The following CLBA1 variants were observed in gnomAD, a reference collection of about 807,000 sequenced individuals.
The protein encoded by CLBA1 is uncharacterized protein CLBA1.
CLBA1 carries 30 observed loss-of-function variants against 28.8 expected under a neutral mutation model. The ratio of observed to expected loss-of-function variants is 1.04; its 90% CI spans 0.78 to 1.41. The LOEUF is 1.41. CLBA1 is among the 40% of genes most tolerant of loss of function. CLBA1 has a pLI of 0.00. For synonymous variants in CLBA1, 160 were observed against 152.8 expected (o/e 1.05, Z -0.35); for missense variants, 451 against 412.3 (o/e 1.09, Z -0.81).
In CLBA1 at chr14:104,985,991, T is replaced by G. The variant is rs1342624374; in HGVS notation, c.-441T>G. On this transcript the variant is annotated 5_prime_UTR_variant, in exon 1 of 5. Coordinates refer to ENST00000547315, the MANE Select transcript of CLBA1 (RefSeq NM_174891.4). ...TCTGCGGGCCGCGTGCGAGAGGGAC[T>G]CTCGGGAGGCCCCGGGGCGCCGCAC... 1 of 222,192 alleles carries G rather than the reference T, an allele frequency of 4.5e-6. No individual in the cohort carries two copies. Among genetic ancestry groups the G allele is most frequent in the Non-Finnish European group, 9.2e-6 (1 of 109,046 alleles). The allele number at this position is 222,192 out of a possible 1,614,324, so 13.8% of individuals were successfully genotyped here. A position where few individuals can be genotyped will look rare whatever the true frequency, so the allele number is the denominator to read the frequency against.
downstream of CLBA1, chr14:104,995,660 C>A: frequency 4.4e-6 from 1 of 225,032 alleles, no homozygotes; most frequent in Non-Finnish European, 7.4e-6. Context: ...CTCCATGTCA[C>A]TGTGGTATCA....
downstream of CLBA1, among the ~76,000 whole-genome samples, chr14:104,996,145 A>G (rs763134766): frequency 2.0e-5 from 3 of 152,220 alleles, no homozygotes; most frequent in Non-Finnish European, 4.4e-5. Context: ...CACAGACCTC[A>G]GAAGGCCAAG....
Position 104,993,683 on chromosome 14 carries a change from C to T in CLBA1, c.816+619C>T, listed in dbSNP as rs189115586. ...TTCTGGGCTGGAGTCTGGAGCCCAC[C>T]CTCAGACCAAGTATTGCAGGAGGGG... On this transcript the variant is annotated intron_variant, in intron 4 of 4. Transcript: ENST00000547315. 23 of 985,434 alleles carry T rather than the reference C, an allele frequency of 2.3e-5. No homozygotes were observed. In the East Asian group the frequency reaches 4.5e-4, roughly 19 times the overall value. 61.0% of individuals were successfully genotyped at this position (985,434 alleles called of 1,614,324 possible). A position where few individuals can be genotyped will look rare whatever the true frequency, so the allele number is the denominator to read the frequency against.
chr14:104,989,814 G>A, intron 2 of CLBA1: 1 of 417,712 alleles, frequency 2.4e-6, no homozygotes, highest in Non-Finnish European at 5.0e-6. Context: ...AGCAGCCAGG[G>A]GAGAGCCAGG....
Position 104,994,626 on chromosome 14 carries a change from G to A in CLBA1, c.845G>A (p.Gly282Glu), listed in dbSNP as rs1900123520. ...TCGGGGCCGCCTGGCAGCAAACAGG[G>A]GAGGCTGATGACATGCAGCCGCTTC... is the stretch of plus-strand genomic sequence containing the variant. ...KLSGPPGSKQGRLMTCSRFLK... is the reference protein window; with the variant it reads ...KLSGPPGSKQERLMTCSRFLK... The change falls in exon 5 of 5, where the codon GGG (glycine) becomes GAG (glutamate). Residue 282 changes from glycine (G) to glutamate (E), a missense_variant. Coordinates refer to ENST00000547315, the MANE Select transcript of CLBA1 (RefSeq NM_174891.4). The A allele has an allele frequency of 6.2e-7, 1 of 1,612,354 alleles. No individual in the cohort carries two copies. The highest frequency in any genetic ancestry group is 1.3e-5 in the African/African-American group (1 of 74,904).
downstream of CLBA1, chr14:104,999,275 A>G (rs548125965): frequency 1.0e-6 from 1 of 979,676 alleles, no homozygotes; most frequent in South Asian, 4.7e-5. Flanking sequence ...CAAAGCCCTC[A>G]TTCTTTCTAG....
rs1322448565 is a variant in CLBA1 at position 104,989,024 on chromosome 14, A to T, written c.505A>T (p.Ile169Leu). Residue 169 changes from isoleucine to leucine, a missense_variant, in exon 2 of 5, where the codon ATA becomes TTA. Coordinates refer to ENST00000547315, the MANE Select transcript of CLBA1 (RefSeq NM_174891.4). The stretch of plus-strand genomic sequence containing the variant: ...GCAGGCAGCTGAAGACGTTTCCACC[A>T]TAGACCATTTCCTAGAAATAAGCAG... ...VQQAAEDVST[I>L]DHFLEISSEE... 10 of 1,613,678 alleles carry T rather than the reference A, an allele frequency of 6.2e-6. No homozygotes were observed. Among genetic ancestry groups the T allele is most frequent in the African/African-American group, 2.7e-5 (2 of 74,932 alleles).
In CLBA1 at chr14:104,986,056, C is replaced by G. The variant is rs988570055; in HGVS notation, c.-376C>G. The G allele has an allele frequency of 3.8e-6, 1 of 264,538 alleles. No homozygotes were observed. Among genetic ancestry groups the G allele is most frequent in the Admixed American group, 5.0e-5 (1 of 20,192 alleles). 16.4% of individuals were successfully genotyped at this position (264,538 alleles called of 1,614,324 possible). A position where few individuals can be genotyped will look rare whatever the true frequency, so the allele number is the denominator to read the frequency against. On this transcript the variant is annotated 5_prime_UTR_variant, in exon 1 of 5. Transcript: ENST00000547315. ...TTGGGACTCCCGCGGGCGCCCGGCT[C>G]TCGCTCCTCTGGCCAGCGTGGGCCT...
chr14:104,994,763 C>T lies in CLBA1; in HGVS notation c.*4C>T. On this transcript the variant is annotated 3_prime_UTR_variant, in exon 5 of 5. Transcript: ENST00000547315. The stretch of plus-strand genomic sequence containing the variant: ...CTTTAATAGCGACGTTTGCTAAAAT[C>T]AGGAGGACTTTGTACCTTTATGAGG... 6.3e-7 allele frequency: 1 copy of T among 1,598,482 alleles called. No individual in the cohort carries two copies. The highest frequency in any genetic ancestry group is 2.2e-5 in the East Asian group (1 of 44,586).
Position 104,993,840 on chromosome 14 carries a change from G to C in CLBA1, c.817-758G>C, listed in dbSNP as rs1013368469. ...GCATGGGCGGCTGTGAGCATGAAGA[G>C]TGACATGCAGGGAGGCGCAGGGGTA... On this transcript the variant is annotated intron_variant, in intron 4 of 4. Coordinates refer to ENST00000547315, the MANE Select transcript of CLBA1 (RefSeq NM_174891.4). 1.8e-4 allele frequency: 174 copies of C among 985,476 alleles called. No homozygotes were observed. In the African/African-American group the frequency reaches 2.8e-3, roughly 16 times the overall value. The allele number at this position is 985,476 out of a possible 1,614,324, so 61.0% of individuals were successfully genotyped here. A position where few individuals can be genotyped will look rare whatever the true frequency, so the allele number is the denominator to read the frequency against.
At chr14:104,991,375 C>A in intron 2 of CLBA1, 116 bp from the exon 3 acceptor site, 1 of 1,261,248 alleles carries the variant, frequency 7.9e-7, no homozygotes, top group Non-Finnish European at 1.1e-6. Context: ...TTGGCTTGTG[C>A]GCGTCTCGGC....
chr14:104,993,453 G>A (rs974849830), intron 4 of CLBA1: 4 of 985,404 alleles, frequency 4.1e-6, no homozygotes, highest in Non-Finnish European at 4.8e-6. Context: ...GGCAGCTGTC[G>A]TGAACGGATC....
chr14:105,000,519 G>T (rs1416038846), intron 2 of CLBA1, among the ~76,000 whole-genome samples: 2 of 152,030 alleles, frequency 1.3e-5, no homozygotes, highest in African/African-American at 2.4e-5. Context: ...TGATCCACCT[G>T]CCTCGGCCTC....
rs1899873423 is a variant in CLBA1, at chr14:104,986,678, G to C, written c.247G>C (p.Gly83Arg). 1 of 1,613,984 alleles carries C rather than the reference G, an allele frequency of 6.2e-7. No homozygotes were observed. Among genetic ancestry groups the C allele is most frequent in the Non-Finnish European group, 8.5e-7 (1 of 1,180,026 alleles). ...EHSSTWGEFE[G>R]FRESSAKSGQ... ...CAGCAGCACTTGGGGGGAGTTTGAA[G>C]GCTTTCGGGAATCTTCAGCCAAGTC... The change falls in exon 1 of 5, where the codon GGC becomes CGC. Residue 83 changes from glycine to arginine, a missense_variant. By Grantham distance (125) the Gly-to-Arg change is moderately radical. Transcript: ENST00000547315.
chr14:104,994,417 C>T, intron 4 of CLBA1, 181 bp from the exon 5 acceptor site: 2 of 985,454 alleles, frequency 2.0e-6, no homozygotes, highest in Non-Finnish European at 2.4e-6. Flanking sequence ...TGAGGAAGCC[C>T]CAGCATGTTT....
chr14:104,993,811 G>A lies in CLBA1; in HGVS notation c.816+747G>A, dbSNP rs930307659. ...GTGTACACCCAGGAGATGGTGGGAGGGGCGCATGGGCGGCTGTGAGCATGA... is the reference window on the plus strand; with the variant it reads ...GTGTACACCCAGGAGATGGTGGGAGAGGCGCATGGGCGGCTGTGAGCATGA... On this transcript the variant is annotated intron_variant, in intron 4 of 4. Coordinates refer to ENST00000547315, the MANE Select transcript of CLBA1 (RefSeq NM_174891.4). 4.1e-6 allele frequency: 4 copies of A among 985,328 alleles called. No individual in the cohort carries two copies. The African/African-American group carries it at 7.0e-5, about 17-fold the overall frequency. 61.0% of individuals were successfully genotyped at this position (985,328 alleles called of 1,614,324 possible).
chr14:104,987,568 T>C (rs1010116852), intron 1 of CLBA1, among the ~76,000 whole-genome samples: 5 of 151,210 alleles, frequency 3.3e-5, no homozygotes, highest in African/African-American at 7.3e-5. Flanking sequence ...AATAAAGATA[T>C]TGTAGTTCTC....
downstream of CLBA1, among the ~76,000 whole-genome samples, chr14:104,996,512 A>G (rs1900158588): frequency 6.6e-6 from 1 of 152,164 alleles, no homozygotes; most frequent in Non-Finnish European, 1.5e-5. Context: ...CCTCTCACAG[A>G]TATGCTGGGA....
chr14:104,998,094 A>G (rs926710449), downstream of CLBA1, among the ~76,000 whole-genome samples: 2 of 152,058 alleles, frequency 1.3e-5, no homozygotes, highest in Non-Finnish European at 2.9e-5. Context: ...CACACCAGTT[A>G]TCTGAAGAGG....
Sources: gnomAD v4.1 joint callset for allele counts (sites outside exome capture counted in the v4.1 genomes callset) on GRCh38, gnomAD v4.1.1 for gene constraint, MANE v1.5 for transcripts, NCBI Gene and HGNC (gene_info 2026-07-23, HGNC 2026-07-21) for gene names.